The following POU2F1 variants were observed in gnomAD, a reference collection of about 807,000 sequenced individuals.
POU2F1 encodes POU domain, class 2, transcription factor 1.
POU2F1 carries 16 observed loss-of-function variants against 84.9 expected under a neutral mutation model. The observed-to-expected ratio is 0.19, with a 90% confidence interval of 0.13 to 0.29. The LOEUF is 0.29. Among genes scored for constraint, POU2F1 ranks in the 10% least tolerant of loss-of-function variants. The pLI is 1.00. For synonymous variants in POU2F1, 368 were observed against 368.3 expected (o/e 1.00, Z 0.01); for missense variants, 738 against 942.6 (o/e 0.78, Z 2.84).
At chr1:167,261,825 C>CA (rs1325858455) in intron 1 of POU2F1, among the ~76,000 whole-genome samples, 1 of 152,138 alleles carries the variant, frequency 6.6e-6, no homozygotes, top group Non-Finnish European at 1.5e-5. Flanking sequence ...GCTGGGATTA[C>CA]AGGCACGTGC....
Position 167,425,309 on chromosome 1 carries a change from CAAAAG to C in POU2F1, c.*9502_*9506del, listed in dbSNP as rs1650891339. 6.6e-6 allele frequency: 1 copy of C among 152,036 alleles called. No individual in the cohort carries two copies. The highest frequency in any genetic ancestry group is 1.5e-5 in the Non-Finnish European group (1 of 68,030). The allele number at this position is 152,036 out of a possible 1,614,324, so 9.4% of individuals were successfully genotyped here. On this transcript the variant is annotated 3_prime_UTR_variant, in exon 16 of 16. Transcript: ENST00000367866. ...AATGATTGTATAAACTCAAAACAAA[CAAAAG>C]AACCAAAGAAAAGGGAAGTCTTCAG...
At chr1:167,317,276 T>A (rs1655973522) in intron 1 of POU2F1, among the ~76,000 whole-genome samples, 1 of 152,238 alleles carries the variant, frequency 6.6e-6, no homozygotes, top group African/African-American at 2.4e-5. Context: ...ATTCTTTTTC[T>A]CCCTGGAATG....
At chr1:167,306,656 T>C (rs2102585308) in intron 1 of POU2F1, among the ~76,000 whole-genome samples, 1 of 152,278 alleles carries the variant, frequency 6.6e-6, no homozygotes, top group Middle Eastern at 3.4e-3. Context: ...TTCTGGAGGC[T>C]AGAAGTCCAG....
chr1:167,371,402 C>G (rs1041054623), intron 4 of POU2F1, among the ~76,000 whole-genome samples: 3 of 152,090 alleles, frequency 2.0e-5, no homozygotes, highest in Non-Finnish European at 4.4e-5. Context: ...TCTTCGTGCC[C>G]CTCTCTCTTG....
At chr1:167,317,143 T>A (rs1288083624) in intron 1 of POU2F1, among the ~76,000 whole-genome samples, 5 of 152,166 alleles carry the variant, frequency 3.3e-5, no homozygotes, top group African/African-American at 1.2e-4. Flanking sequence ...TCCTCCTGCC[T>A]TTGCCTCTCA....
At chr1:167,314,431 G>A (rs1001474980) in intron 1 of POU2F1, among the ~76,000 whole-genome samples, 2 of 152,190 alleles carry the variant, frequency 1.3e-5, no homozygotes, top group African/African-American at 2.4e-5. Context: ...CACATTGTTT[G>A]TGGGAATGTA....
chr1:167,238,642 T>C (rs1163020453), intron 1 of POU2F1, among the ~76,000 whole-genome samples: 35 of 152,186 alleles, frequency 2.3e-4, no homozygotes, highest in Non-Finnish European at 7.3e-5. Context: ...CTATTCAAAA[T>C]GGTCTGACTT....
chr1:167,386,978 T>C (rs79594660), intron 8 of POU2F1, among the ~76,000 whole-genome samples: 1 of 152,228 alleles, frequency 6.6e-6, no homozygotes, highest in East Asian at 1.9e-4. Context: ...GTAGCAGTTG[T>C]ATGACTGTAG....
chr1:167,256,658 G>A (rs1483710753), intron 1 of POU2F1, among the ~76,000 whole-genome samples: 1 of 152,090 alleles, frequency 6.6e-6, no homozygotes. Context: ...TCTCACTTAC[G>A]CCACCCGAAA....
chr1:167,265,380 C>G (rs1423364643), intron 1 of POU2F1, among the ~76,000 whole-genome samples: 3 of 152,140 alleles, frequency 2.0e-5, no homozygotes, highest in Non-Finnish European at 4.4e-5. Flanking sequence ...AGCGTTTCTT[C>G]TATTAAACCA....
At chr1:167,240,479 G>A (rs2102369434) in intron 1 of POU2F1, among the ~76,000 whole-genome samples, 1 of 152,210 alleles carries the variant, frequency 6.6e-6, no homozygotes, top group South Asian at 2.1e-4. Flanking sequence ...TACTTTAAAG[G>A]TGGAAAAAAT....
intron 2 of POU2F1, among the ~76,000 whole-genome samples, chr1:167,348,852 T>G (rs1658374068): frequency 6.6e-6 from 1 of 152,230 alleles, no homozygotes; most frequent in Admixed American, 6.5e-5. Context: ...TAAGAGCAAG[T>G]AAGTGCTCTG....
intron 1 of POU2F1, among the ~76,000 whole-genome samples, chr1:167,328,551 T>C (rs1353299784): frequency 6.6e-6 from 1 of 152,168 alleles, no homozygotes; most frequent in Non-Finnish European, 1.5e-5. Flanking sequence ...AGGAATAAGA[T>C]TAAAGGTGCT....
rs187500752 is a variant in POU2F1 at position 167,277,361 on chromosome 1, T to C, written c.62-55109T>C. ...AAGTGATCTACCTGCCTTGGCCTCC[T>C]AAGTAACTGTGTTCATTTGACACAG... On this transcript the variant is annotated intron_variant, in intron 1 of 15. Transcript: ENST00000367866. 7.2e-5 allele frequency among the ~76,000 whole-genome samples: 11 copies of C among 152,156 alleles called. 1 individual carries two copies. The East Asian group carries it at 2.1e-3, about 29-fold the overall frequency.
intron 9 of POU2F1, among the ~76,000 whole-genome samples, chr1:167,390,412 T>C (rs1158326560): frequency 6.6e-6 from 1 of 152,174 alleles, no homozygotes; most frequent in East Asian, 1.9e-4. Flanking sequence ...CAGTACTTCA[T>C]ATGTAAGATT....
At chr1:167,283,305 AG>A (rs2102507950) in intron 1 of POU2F1, among the ~76,000 whole-genome samples, 1 of 152,114 alleles carries the variant, frequency 6.6e-6, no homozygotes, top group African/African-American at 2.4e-5. Flanking sequence ...AACAAAAAGG[AG>A]GAAAAAAAAA....
rs1648926171 is a variant in POU2F1 at position 167,397,920 on chromosome 1, GTTA to G, written c.1130-73_1130-71del. 4 of 1,428,858 alleles carry G rather than the reference GTTA, an allele frequency of 2.8e-6. No individual in the cohort carries two copies. In the East Asian group the frequency reaches 9.3e-5, roughly 33 times the overall value. The allele number at this position is 1,428,858 out of a possible 1,614,324, so 88.5% of individuals were successfully genotyped here. Reference sequence around the variant, plus strand: ...TGTAGCTTATTTTGTCAGTTTTGTTGTTAATATGCATATTATGCACATGAATCA... The same window carrying G: ...TGTAGCTTATTTTGTCAGTTTTGTTGATATGCATATTATGCACATGAATCA... On this transcript the variant is annotated intron_variant, in intron 10 of 15. Transcript: ENST00000367866.
chr1:167,322,152 A>G (rs537034614), intron 1 of POU2F1, among the ~76,000 whole-genome samples: 8 of 152,178 alleles, frequency 5.3e-5, no homozygotes, highest in Non-Finnish European at 8.8e-5. Flanking sequence ...GTTATTTCAC[A>G]GGTAGGACAT....
chr1:167,393,106 TCA>T (rs1476232854), intron 9 of POU2F1, among the ~76,000 whole-genome samples: 1 of 152,226 alleles, frequency 6.6e-6, no homozygotes, highest in Non-Finnish European at 1.5e-5. Context: ...TTTCCCAGTC[TCA>T]GTTTTTGTTC....
Sources: allele counts gnomAD v4.1 joint callset (sites outside exome capture counted in the v4.1 genomes callset), GRCh38; gene constraint gnomAD v4.1.1; transcripts MANE v1.5; gene names NCBI Gene and HGNC (gene_info 2026-07-23, HGNC 2026-07-21).